The following THBS4 variants were observed in gnomAD, a reference collection of about 807,000 sequenced individuals.
The protein encoded by THBS4 is thrombospondin 4.
In THBS4, 90 loss-of-function variants were observed where a neutral mutation model predicts 115.7. The ratio of observed to expected loss-of-function variants is 0.78; its 90% CI spans 0.66 to 0.93. The LOEUF (loss-of-function observed/expected upper bound fraction) is 0.93. Among genes scored for constraint, THBS4 ranks in the 40% least tolerant of loss-of-function variants. The probability of loss-of-function intolerance (pLI) is 0.00; values close to 1 mark genes in which losing one functional copy is unlikely to be tolerated. For missense variants in THBS4, 1,087 were observed against 1,232.7 expected (o/e 0.88, Z 1.77); for synonymous variants, 460 against 479.3 (o/e 0.96, Z 0.53).
At chr5:80,008,819 AG>A in intron 2 of THBS4, among the ~76,000 whole-genome samples, 1 of 152,254 alleles carries the variant, frequency 6.6e-6, no homozygotes, top group East Asian at 1.9e-4. Context: ...TCTGGTGGGG[AG>A]GGGGTCACAA....
intron 2 of THBS4, among the ~76,000 whole-genome samples, chr5:80,008,039 A>G (rs1462399895): frequency 6.6e-6 from 1 of 152,244 alleles, no homozygotes. Context: ...AGCACAGCAT[A>G]AAAGCATTAA....
At chr5:79,996,547 C>T (rs969023663) in intron 1 of THBS4, among the ~76,000 whole-genome samples, 4 of 152,246 alleles carry the variant, frequency 2.6e-5, no homozygotes, top group East Asian at 1.9e-4. Flanking sequence ...GCCATCCTGA[C>T]GTCTAGCTAA....
intron 2 of THBS4, among the ~76,000 whole-genome samples, chr5:80,016,486 A>T (rs955855708): frequency 6.6e-6 from 1 of 152,136 alleles, no homozygotes; most frequent in Non-Finnish European, 1.5e-5. Flanking sequence ...TTTTAGCACA[A>T]AATGAATCCA....
In THBS4 at chr5:80,072,289, A is replaced by T; in HGVS notation, c.1732A>T (p.Ile578Phe). The T allele has an allele frequency of 1.9e-6, 3 of 1,614,186 alleles. No homozygotes were observed. Among genetic ancestry groups the T allele is most frequent in the South Asian group, 1.1e-5 (1 of 91,082 alleles). ...DDMDGDGIKNILDNCPKFPNR... is the reference protein window; with the variant it reads ...DDMDGDGIKNFLDNCPKFPNR... ...TTTCTTTCTCACAGGAATAAAAAAC[A>T]TTCTGGACAACTGCCCAAAATTTCC... The change falls in exon 14 of 22, where the codon ATT (isoleucine) becomes TTT (phenylalanine). Residue 578 changes from isoleucine (I) to phenylalanine (F), a missense_variant. Transcript: ENST00000350881.
chr5:80,065,084 TAGG>T (rs966124378), intron 8 of THBS4, among the ~76,000 whole-genome samples: 2 of 152,118 alleles, frequency 1.3e-5, no homozygotes, highest in African/African-American at 4.8e-5. Context: ...AATCCTCATT[TAGG>T]AGAACTGCAT....
chr5:80,079,352 TA>T (rs58612197), intron 19 of THBS4, 94 bp downstream of exon 19: 153 of 1,345,446 alleles, frequency 1.1e-4, no homozygotes, highest in Non-Finnish European at 1.3e-4. Flanking sequence ...TTAGTTAATC[TA>T]AAAAAAATTG....
intron 1 of THBS4, among the ~76,000 whole-genome samples, chr5:79,992,756 A>T (rs1427971765): frequency 1.3e-5 from 2 of 152,246 alleles, no homozygotes; most frequent in African/African-American, 4.8e-5. Flanking sequence ...AAGTCAGATA[A>T]TCACGAGTAG....
At chr5:79,996,088 G>A (rs1352172448) in intron 1 of THBS4, among the ~76,000 whole-genome samples, 2 of 152,060 alleles carry the variant, frequency 1.3e-5, no homozygotes, top group Non-Finnish European at 2.9e-5. Context: ...AGTGAGCTAA[G>A]ATCGTACCAC....
exon 1 of THBS4, chr5:79,991,371 G>T: frequency 1.2e-6 from 1 of 803,764 alleles, no homozygotes; most frequent in Non-Finnish European, 1.9e-6. Flanking sequence ...ACAACGACTG[G>T]AGGGATTAAG....
At chr5:80,046,085 A>T (rs1045873722) in intron 2 of THBS4, among the ~76,000 whole-genome samples, 2 of 152,254 alleles carry the variant, frequency 1.3e-5, no homozygotes, top group Admixed American at 1.3e-4. Flanking sequence ...CCATGTTCAG[A>T]ATAAGATATG....
chr5:79,998,518 T>A (rs1383784732), intron 2 of THBS4: 1 of 152,440 alleles, frequency 6.6e-6, no homozygotes, highest in African/African-American at 2.4e-5. Context: ...AAGGTGACCT[T>A]ATAAGGAAAA....
chr5:80,041,910 A>G (rs753452358), intron 2 of THBS4, among the ~76,000 whole-genome samples: 7 of 152,226 alleles, frequency 4.6e-5, no homozygotes, highest in Non-Finnish European at 1.0e-4. Context: ...TTGTGATTGT[A>G]CACTTAAATC....
intron 2 of THBS4, among the ~76,000 whole-genome samples, chr5:80,011,574 AAC>A (rs952237450): frequency 1.6e-4 from 25 of 152,206 alleles, no homozygotes; most frequent in Admixed American, 1.3e-3. Context: ...CAACCCACCA[AAC>A]ACAGAAGCAG....
Position 80,059,749 on chromosome 5 carries a change from G to A in THBS4, c.831G>A (p.Pro277=), listed in dbSNP as rs567115646. 3.7e-5 allele frequency: 60 copies of A among 1,614,076 alleles called. 1 individual carries two copies. Among genetic ancestry groups the A allele is most frequent in the African/African-American group, 2.1e-4 (16 of 75,002 alleles). ...CGACCCCAAGCACGGTGGTGCCCCC[G>A]GCTCCCCCTGCACCGCCAACACGCC... ...QSPTPSTVVP[P]APPAPPTRPP... is the part of the protein sequence containing the mutation. Residue 277 remains proline, a synonymous_variant, in exon 7 of 22, where the codon CCG becomes CCA. Transcript: ENST00000350881.
Position 80,059,874 on chromosome 5 carries a change from G to A in THBS4, c.956G>A (p.Gly319Glu), listed in dbSNP as rs1188531988. 3 of 1,614,130 alleles carry A rather than the reference G, an allele frequency of 1.9e-6. No homozygotes were observed. Among genetic ancestry groups the A allele is most frequent in the East Asian group, 4.5e-5 (2 of 44,874 alleles). Reference sequence around the variant, plus strand: ...GGGCCCTGCCCCGAGGGCTACACAGGAAACGGGATCACCTGTATTGATGTT... The same window carrying A: ...GGGCCCTGCCCCGAGGGCTACACAGAAAACGGGATCACCTGTATTGATGTT... ...QCGPCPEGYT[G>E]NGITCIDVDE... The change falls in exon 7 of 22, where the codon GGA becomes GAA. Residue 319 changes from glycine to glutamate, a missense_variant. Around this residue, in one of 3 missense-constraint regions of THBS4, gnomAD observed 979 missense variants for 1,103.7 expected, o/e 0.89. Coordinates refer to ENST00000350881, the MANE Select transcript of THBS4 (RefSeq NM_003248.6).
Position 80,035,464 on chromosome 5 carries a change from C to G in THBS4, c.-74C>G. ...CCCGGGCGCCGACCGAGGTTCAACG[C>G]ACGGCCCGGGGACCCCCAGGCGGGG... On this transcript the variant is annotated 5_prime_UTR_variant, in exon 1 of 22. Coordinates refer to ENST00000350881, the MANE Select transcript of THBS4 (RefSeq NM_003248.6). This position sits in a 1 kb window ranked among gnomAD's most constrained non-coding sequence, Gnocchi z 4.6. The G allele has an allele frequency of 3.6e-6, 4 of 1,105,732 alleles. No individual in the cohort carries two copies. Among genetic ancestry groups the G allele is most frequent in the Non-Finnish European group, 4.6e-6 (4 of 873,346 alleles). 68.5% of individuals were successfully genotyped at this position (1,105,732 alleles called of 1,614,324 possible).
chr5:80,077,640 G>C (rs75841921), intron 16 of THBS4, among the ~76,000 whole-genome samples: 4,059 of 152,320 alleles, frequency 0.027, 101 homozygotes, highest in East Asian at 0.11. Flanking sequence ...AGAAGTTAGT[G>C]TTAGAGATAT....
intron 8 of THBS4, among the ~76,000 whole-genome samples, chr5:80,064,002 G>A (rs1833725751): frequency 1.3e-5 from 2 of 152,182 alleles, no homozygotes; most frequent in African/African-American, 2.4e-5. Flanking sequence ...CACCTGTGTG[G>A]AGTGGATGCA....
In THBS4 at chr5:80,076,836, C is replaced by A. The variant is rs558331774; in HGVS notation, c.1893-19C>A. ...CCCTGCTGAACTGTGAGCCACATCA[C>A]CTGTCCTTTCTCCTGCAGTGATGGA... is the stretch of plus-strand genomic sequence containing the variant. On this transcript the variant is annotated intron_variant, in intron 15 of 21. Coordinates refer to ENST00000350881, the MANE Select transcript of THBS4 (RefSeq NM_003248.6). 46 of 1,541,926 alleles carry A rather than the reference C, an allele frequency of 3.0e-5. No homozygotes were observed. Among genetic ancestry groups the A allele is most frequent in the Admixed American group, 1.9e-4 (10 of 53,830 alleles).
Sources: allele counts gnomAD v4.1 joint callset (sites outside exome capture counted in the v4.1 genomes callset), GRCh38; gene constraint gnomAD v4.1.1; regional missense constraint gnomAD v4.1.1; non-coding constraint Gnocchi (gnomAD v3.1); transcripts MANE v1.5; gene names NCBI Gene and HGNC (gene_info 2026-07-23, HGNC 2026-07-21).